The following SLITRK1 variants were observed in gnomAD, a reference collection of about 807,000 sequenced individuals.
The protein encoded by SLITRK1 is SLIT and NTRK like family member 1.
Under a neutral mutation model 42.4 loss-of-function variants are expected in SLITRK1, and 10 were observed. That is an observed-to-expected ratio of 0.24 (90% confidence interval 0.15 to 0.40). SLITRK1 has a LOEUF of 0.40. SLITRK1 is among the 10% of genes least tolerant of loss of function. The probability of loss-of-function intolerance (pLI) is 1.00; values close to 1 mark genes in which losing one functional copy is unlikely to be tolerated. For missense variants in SLITRK1, 778 were observed against 848.8 expected, an observed-to-expected ratio of 0.92 and a Z score of 1.04; for synonymous variants, 389 against 365.7, an observed-to-expected ratio of 1.06 and a Z score of -0.73.
rs751779448 is a variant in SLITRK1 at position 83,879,751 on chromosome 13, G to A, written c.1757C>T (p.Ser586Leu). 31 of 1,613,912 alleles carry A rather than the reference G, an allele frequency of 1.9e-5. No homozygotes were observed. In the Admixed American group the frequency reaches 4.7e-4, roughly 24 times the overall value. ...EICPQLYARI[S>L]PTLTSHSKNS... ...TTTACTGTGCGAAGTTAACGTGGGC[G>A]AGATCCTAGCGTACAGCTGAGGGCA... The change falls in exon 2 of 2, where the codon TCG becomes TTG. Residue 586 changes from serine (S) to leucine (L), a missense_variant. This residue lies in a region of SLITRK1 where 164 missense variants were observed against 158.2 expected (regional missense o/e 1.04). Transcript: ENST00000674365.
Position 83,880,148 on chromosome 13 carries a change from C to A in SLITRK1, c.1360G>T (p.Val454Leu). 1.2e-6 allele frequency: 2 copies of A among 1,613,964 alleles called. No homozygotes were observed. Among genetic ancestry groups the A allele is most frequent in the Non-Finnish European group, 1.7e-6 (2 of 1,180,018 alleles). The change falls in exon 2 of 2, where the codon GTG becomes TTG. Residue 454 changes from valine (V) to leucine (L), a missense_variant. By Grantham distance (32) the Val-to-Leu change is conservative. Around this residue, in one of 4 missense-constraint regions of SLITRK1, gnomAD observed 395 missense variants for 360.4 expected, o/e 1.10. Coordinates refer to ENST00000674365, the MANE Select transcript of SLITRK1 (RefSeq NM_001281503.2). ...ATGAGCTGGATAGCGTTGTACTCCA[C>A]GTTCAGGTACTCTAGGTTTTGCAGC... Reference protein sequence around the residue: ...AGLQNLEYLNVEYNAIQLILP... With the variant: ...AGLQNLEYLNLEYNAIQLILP...
chr13:83,880,521 G>A lies in SLITRK1; in HGVS notation c.987C>T (p.Ser329=), dbSNP rs776318690. 1 of 1,614,112 alleles carries A rather than the reference G, an allele frequency of 6.2e-7. No individual in the cohort carries two copies. Among genetic ancestry groups the A allele is most frequent in the Admixed American group, 1.7e-5 (1 of 60,014 alleles). ...TGTTAGCTAAGGGTTTGTTCCTGGA[G>A]CTACCCGTCGCTATCGCTGCTGTGG... ...IRPTAAIATG[S]SRNKPLANSL... is the part of the protein sequence containing the mutation. The change falls in exon 2 of 2, where the codon AGC becomes AGT. Residue 329 remains serine (S), a synonymous_variant. Coordinates refer to ENST00000674365, the MANE Select transcript of SLITRK1 (RefSeq NM_001281503.2).
Position 83,881,085 on chromosome 13 carries a change from T to G in SLITRK1, c.423A>C (p.Leu141Phe), listed in dbSNP as rs776107843. The change falls in exon 2 of 2, where the codon TTA (leucine) becomes TTC (phenylalanine). Residue 141 changes from leucine (L) to phenylalanine (F), a missense_variant. This residue lies in a region of SLITRK1 where 204 missense variants were observed against 295.3 expected (regional missense o/e 0.69). Coordinates refer to ENST00000674365, the MANE Select transcript of SLITRK1 (RefSeq NM_001281503.2). ...AGGCCCCCGGGTCTATATCTCGTAA[T>G]AAATTAAAATCAGCCTGGAGATATT... ...DLEYLQADFN[L>F]LRDIDPGAFQ... 1.2e-6 allele frequency: 2 copies of G among 1,614,000 alleles called. No individual in the cohort carries two copies. Among genetic ancestry groups the G allele is most frequent in the Admixed American group, 1.7e-5 (1 of 60,010 alleles).
Position 83,880,621 on chromosome 13 carries a change from T to G in SLITRK1, c.887A>C (p.Glu296Ala), listed in dbSNP as rs767900578. The G allele has an allele frequency of 4.3e-6, 7 of 1,614,172 alleles. No homozygotes were observed. The highest frequency in any genetic ancestry group is 5.1e-6 in the Non-Finnish European group (6 of 1,180,042). The stretch of plus-strand genomic sequence containing the variant: ...AGCAGACCCTGGTGTGGCATGATCC[T>G]CTTGCCCATTTGTCTTGAAAGGAGT... ...LPTPFKTNGQ[E>A]DHATPGSAPN... is the part of the protein sequence containing the mutation. Residue 296 changes from glutamate to alanine, a missense_variant, in exon 2 of 2, where the codon GAG becomes GCG. By Grantham distance (107) the Glu-to-Ala change is moderately radical. This residue lies in a region of SLITRK1 where 395 missense variants were observed against 360.4 expected (regional missense o/e 1.10). Coordinates refer to ENST00000674365, the MANE Select transcript of SLITRK1 (RefSeq NM_001281503.2).
chr13:83,881,686 A>G, intron 1 of SLITRK1, 126 bp from the exon 2 acceptor site: 1 of 596,792 alleles, frequency 1.7e-6, no homozygotes, highest in Non-Finnish European at 2.9e-6. Context: ...GCACTGCAAT[A>G]GCCCAGACGC....
chr13:83,881,751 G>GAAA lies in SLITRK1; in HGVS notation c.-53-194_-53-192dup, dbSNP rs771177138. 29 of 106,696 alleles carry GAAA rather than the reference G, an allele frequency of 2.7e-4. 1 individual carries two copies. The highest frequency in any genetic ancestry group is 1.8e-3 in the South Asian group (7 of 3,950). The allele number at this position is 106,696 out of a possible 1,614,324, so 6.6% of individuals were successfully genotyped here. On this transcript the variant is annotated intron_variant, in intron 1 of 1. Coordinates refer to ENST00000674365, the MANE Select transcript of SLITRK1 (RefSeq NM_001281503.2). Reference sequence around the variant, plus strand: ...AGGCACGTAGTGCAAGGCAAGCAAAGAAAAAAAAAAAAAAAAAAAAGTAGG... The same window carrying GAAA: ...AGGCACGTAGTGCAAGGCAAGCAAAGAAAAAAAAAAAAAAAAAAAAAAAGTAGG...
In SLITRK1 at chr13:83,880,477, C is replaced by T. The variant is rs1043332750; in HGVS notation, c.1031G>A (p.Gly344Asp). ...PLANSLPCPG[G>D]CSCDHIPGSG... ...CCCTGGGATGTGGTCGCAGCTGCAG[C>T]CCCCAGGGCAGGGTAAACTGTTAGC... Residue 344 changes from glycine (G) to aspartate (D), a missense_variant, in exon 2 of 2, where the codon GGC (glycine) becomes GAC (aspartate). Physicochemically the swap from Gly to Asp is moderately conservative, Grantham distance 94. Coordinates refer to ENST00000674365, the MANE Select transcript of SLITRK1 (RefSeq NM_001281503.2). The T allele has an allele frequency of 3.7e-6, 6 of 1,614,018 alleles. No individual in the cohort carries two copies. Among genetic ancestry groups the T allele is most frequent in the East Asian group, 4.5e-5 (2 of 44,862 alleles).
In SLITRK1 at chr13:83,881,206, GCC is replaced by G. The variant is rs1231316301; in HGVS notation, c.300_301del (p.Ala101PhefsTer37). 1 of 1,614,038 alleles carries G rather than the reference GCC, an allele frequency of 6.2e-7. No homozygotes were observed. ...TTTCACCAGCTGCAGCCCCAGAAAA[GCC>G]CCCGGAACGATTTCATGCAAGCCAT... On this transcript the variant is annotated frameshift_variant, in exon 2 of 2. Transcript: ENST00000674365. LOFTEE classifies it high-confidence loss of function.
chr13:83,882,325 C>G lies in SLITRK1; in HGVS notation c.-375G>C, dbSNP rs576157045. On this transcript the variant is annotated 5_prime_UTR_variant, in exon 1 of 2. Transcript: ENST00000674365. ...TCCTGTTCTCCTTCTCTTTCTTCTG[C>G]TCTTTCGGAATTACGTGGAGGGGGG... The G allele has an allele frequency of 1.1e-4, 17 of 154,846 alleles. No individual in the cohort carries two copies. The East Asian group carries it at 3.2e-3, about 30-fold the overall frequency. The allele number at this position is 154,846 out of a possible 1,614,324, so 9.6% of individuals were successfully genotyped here. A position where few individuals can be genotyped will look rare whatever the true frequency, so the allele number is the denominator to read the frequency against.
In SLITRK1 at chr13:83,879,258, G is replaced by C. The variant is rs1031550774; in HGVS notation, c.*159C>G. On this transcript the variant is annotated 3_prime_UTR_variant, in exon 2 of 2. Transcript: ENST00000674365. ...AGGAGGGAGCTAAGTAAGGGGTCAG[G>C]CCCTTTCGGTTGTGCGAGCTCACAG... 2 of 850,704 alleles carry C rather than the reference G, an allele frequency of 2.4e-6. No homozygotes were observed. Among genetic ancestry groups the C allele is most frequent in the East Asian group, 5.3e-5 (2 of 37,548 alleles). 52.7% of individuals were successfully genotyped at this position (850,704 alleles called of 1,614,324 possible). A position where few individuals can be genotyped will look rare whatever the true frequency, so the allele number is the denominator to read the frequency against.
chr13:83,879,603 C>G lies in SLITRK1; in HGVS notation c.1905G>C (p.Val635=), dbSNP rs766730885. The change falls in exon 2 of 2, where the codon GTG becomes GTC. Residue 635 remains valine (V), a synonymous_variant. Transcript: ENST00000674365. The part of the protein sequence containing the change: ...LLVFVTSAFT[V]VGMLVFILRN... ...TCAGGATAAACACGAGCATGCCCAC[C>G]ACGGTGAAGGCGGAGGTGACAAACA... 7 of 1,614,020 alleles carry G rather than the reference C, an allele frequency of 4.3e-6. No individual in the cohort carries two copies. The highest frequency in any genetic ancestry group is 5.1e-6 in the Non-Finnish European group (6 of 1,180,020).
In SLITRK1 at chr13:83,881,054, C is replaced by T. The variant is rs754563921; in HGVS notation, c.454G>A (p.Asp152Asn). 2.5e-6 allele frequency: 4 copies of T among 1,613,994 alleles called. No homozygotes were observed. Among genetic ancestry groups the T allele is most frequent in the Non-Finnish European group, 3.4e-6 (4 of 1,180,018 alleles). The change falls in exon 2 of 2, where the codon GAC becomes AAC. Residue 152 changes from aspartate (D) to asparagine (N), a missense_variant. Asp to Asn is a conservative substitution (Grantham distance 23). This residue lies in a region of SLITRK1 where 204 missense variants were observed against 295.3 expected (regional missense o/e 0.69). Coordinates refer to ENST00000674365, the MANE Select transcript of SLITRK1 (RefSeq NM_001281503.2). ...ATGAGCACCTCCAGCTTGTTCAAGT[C>T]CTGGAAGGCCCCCGGGTCTATATCT... Reference protein sequence around the residue: ...LRDIDPGAFQDLNKLEVLILN... With the variant: ...LRDIDPGAFQNLNKLEVLILN...
rs1566298849 is a variant in SLITRK1, at chr13:83,880,311, C to A, written c.1197G>T (p.Lys399Asn). 3 of 1,613,876 alleles carry A rather than the reference C, an allele frequency of 1.9e-6. No individual in the cohort carries two copies. The highest frequency in any genetic ancestry group is 2.5e-6 in the Non-Finnish European group (3 of 1,180,014). The change falls in exon 2 of 2, where the codon AAG (lysine) becomes AAT (asparagine). Residue 399 changes from lysine to asparagine, a missense_variant. Lys to Asn is a moderately conservative substitution (Grantham distance 94). Around this residue, in one of 4 missense-constraint regions of SLITRK1, gnomAD observed 395 missense variants for 360.4 expected, o/e 1.10. Transcript: ENST00000674365. Reference sequence around the variant, plus strand: ...TGCCCAGATCCAACAGAATGAGGTTCTTGTAATCCACAAAGTGCGATTTTC... The same window carrying A: ...TGCCCAGATCCAACAGAATGAGGTTATTGTAATCCACAAAGTGCGATTTTC... The part of the protein sequence containing the change: ...SIRKSHFVDY[K>N]NLILLDLGNN...
In SLITRK1 at chr13:83,880,050, C is replaced by G; in HGVS notation, c.1458G>C (p.Leu486=). The G allele has an allele frequency of 6.2e-7, 1 of 1,614,042 alleles. No individual in the cohort carries two copies. The highest frequency in any genetic ancestry group is 8.5e-7 in the Non-Finnish European group (1 of 1,180,020). The change falls in exon 2 of 2, where the codon CTG becomes CTC. Residue 486 remains leucine, a synonymous_variant. Transcript: ENST00000674365. ...AGACCCCAGCGAACACGTCCACAGGCAGGGACCTCAGCAGGTTGTTGTTGA... is the reference window on the plus strand; with the variant it reads ...AGACCCCAGCGAACACGTCCACAGGGAGGGACCTCAGCAGGTTGTTGTTGA... ...LILNNNLLRS[L]PVDVFAGVSL...
rs1286645069 is a variant in SLITRK1 at position 83,879,891 on chromosome 13, A to C, written c.1617T>G (p.Pro539=). The C allele has an allele frequency of 6.2e-7, 1 of 1,614,094 alleles. No individual in the cohort carries two copies. Residue 539 remains proline (P), a synonymous_variant, in exon 2 of 2, where the codon CCT becomes CCG. Coordinates refer to ENST00000674365, the MANE Select transcript of SLITRK1 (RefSeq NM_001281503.2). ...CCAAGCGTTCTGCCCACTGCTTGAA[A>C]GGCACAATTGTGCAGGAGCACTCCC... ...NPWECSCTIV[P]FKQWAERLGS...
In SLITRK1 at chr13:83,881,536, T is replaced by G. The variant is rs1260844782; in HGVS notation, c.-29A>C. 1 of 1,589,460 alleles carries G rather than the reference T, an allele frequency of 6.3e-7. No individual in the cohort carries two copies. ...TAAAGCGAGCAATTCATCCCCGATC[T>G]CATCACAAAGTAACAGCGACCATCC... is the stretch of plus-strand genomic sequence containing the variant. On this transcript the variant is annotated 5_prime_UTR_variant, in exon 2 of 2. Coordinates refer to ENST00000674365, the MANE Select transcript of SLITRK1 (RefSeq NM_001281503.2).
chr13:83,881,666 T>C (rs1267818695), intron 1 of SLITRK1, 106 bp from the exon 2 acceptor site: 4 of 748,078 alleles, frequency 5.3e-6, no homozygotes. Context: ...CCTTCCTCCC[T>C]AACCCCCCCG....
chr13:83,879,273 C>T lies in SLITRK1; in HGVS notation c.*144G>A. 4.0e-6 allele frequency: 4 copies of T among 996,496 alleles called. No homozygotes were observed. The highest frequency in any genetic ancestry group is 2.0e-5 in the Admixed American group (1 of 48,864). 61.7% of individuals were successfully genotyped at this position (996,496 alleles called of 1,614,324 possible). ...AAGGGGTCAGGCCCTTTCGGTTGTG[C>T]GAGCTCACAGTTATTTATCTACTTA... is the stretch of plus-strand genomic sequence containing the variant. On this transcript the variant is annotated 3_prime_UTR_variant, in exon 2 of 2. Transcript: ENST00000674365.
At position 83,882,157 on chromosome 13, in the gene SLITRK1, G is replaced by T. The variant is rs1221991884; in HGVS notation, c.-207C>A. On this transcript the variant is annotated 5_prime_UTR_variant, in exon 1 of 2. Transcript: ENST00000674365. The stretch of plus-strand genomic sequence containing the variant: ...AATCACGCCCGACCGAAGGACTCAC[G>T]CTGCCCAGCCAATGGCGCTGGAAAA... The T allele has an allele frequency of 6.0e-6, 1 of 167,174 alleles. No individual in the cohort carries two copies. The highest frequency in any genetic ancestry group is 1.5e-5 in the Non-Finnish European group (1 of 68,256). The allele number at this position is 167,174 out of a possible 1,614,324, so 10.4% of individuals were successfully genotyped here. A position where few individuals can be genotyped will look rare whatever the true frequency, so the allele number is the denominator to read the frequency against.
Sources: allele counts gnomAD v4.1 joint callset, GRCh38; gene constraint gnomAD v4.1.1; regional missense constraint gnomAD v4.1.1; transcripts MANE v1.5; gene names NCBI Gene and HGNC (gene_info 2026-07-23, HGNC 2026-07-21).